Variants in CCDC33 observed in about 807,000 individuals in gnomAD.
The protein encoded by CCDC33 is coiled-coil domain-containing protein 33.
A neutral mutation model predicts 91.9 loss-of-function variants in CCDC33; 94 were observed. The observed-to-expected ratio is 1.02, with a 90% CI of 0.87 to 1.21. CCDC33 has a LOEUF of 1.21. Among genes scored for constraint, CCDC33 ranks in the 50% most tolerant of loss-of-function variants. The probability of loss-of-function intolerance (pLI) is 0.00; values close to 1 mark genes in which losing one functional copy is unlikely to be tolerated. For missense variants in CCDC33, 940 were observed against 935.5 expected (o/e 1.00, Z -0.06); for synonymous variants, 396 against 374.5 (o/e 1.06, Z -0.66).
chr15:74,242,253 G>A (rs888764127), intron 1 of CCDC33, among the ~76,000 whole-genome samples: 2 of 152,160 alleles, frequency 1.3e-5, no homozygotes, highest in Admixed American at 1.3e-4. Context: ...TGGCTTTGGG[G>A]CCCAGCATGG....
chr15:74,321,238 T>C (rs902100711), intron 11 of CCDC33, among the ~76,000 whole-genome samples: 2 of 152,084 alleles, frequency 1.3e-5, no homozygotes, highest in African/African-American at 4.8e-5. Flanking sequence ...TTTATTTTAT[T>C]TTATCTTATT....
intron 2 of CCDC33, 137 bp from the exon 3 acceptor site, chr15:74,262,303 A>T: frequency 8.8e-7 from 1 of 1,141,136 alleles, no homozygotes; most frequent in Non-Finnish European, 1.2e-6. Context: ...GGGATGACAC[A>T]AGTGTCTATG....
chr15:74,246,830 A>T (rs1247555634), intron 2 of CCDC33, among the ~76,000 whole-genome samples: 1 of 152,222 alleles, frequency 6.6e-6, no homozygotes, highest in Non-Finnish European at 1.5e-5. Flanking sequence ...GTATATATCC[A>T]AAGGAAACAA....
intron 11 of CCDC33, among the ~76,000 whole-genome samples, chr15:74,329,449 A>T (rs1437735646): frequency 6.6e-6 from 1 of 152,222 alleles, no homozygotes; most frequent in Admixed American, 6.5e-5. Flanking sequence ...CGGAGATAAT[A>T]GTACCTATCC....
chr15:74,306,764 C>A (rs576512385), intron 11 of CCDC33, among the ~76,000 whole-genome samples: 4 of 152,270 alleles, frequency 2.6e-5, no homozygotes, highest in African/African-American at 9.6e-5. Flanking sequence ...GCCCTAAGTA[C>A]CCAGAAGATC....
At chr15:74,250,675 G>T (rs1045155690) in intron 2 of CCDC33, among the ~76,000 whole-genome samples, 1 of 152,162 alleles carries the variant, frequency 6.6e-6, no homozygotes. Context: ...TAGTTCCGTG[G>T]ACAACCACCA....
At position 74,271,766 on chromosome 15, in the gene CCDC33, C is replaced by T. The variant is rs373542701; in HGVS notation, c.610C>T (p.Arg204Trp). 75 of 1,613,688 alleles carry T rather than the reference C, an allele frequency of 4.6e-5. No homozygotes were observed. The highest frequency in any genetic ancestry group is 1.6e-4 in the Middle Eastern group (1 of 6,080). ...NNPNPIVVIA[R>W]VVPNYKEFKV... is the part of the protein sequence containing the mutation. The stretch of plus-strand genomic sequence containing the variant: ...CCCCAACCCCATAGTGGTGATTGCC[C>T]GGGTCGTTCCCAACTACAAGGAATT... Residue 204 changes from arginine to tryptophan, a missense_variant, in exon 6 of 19, where the codon CGG (arginine) becomes TGG (tryptophan). By Grantham distance (101) the Arg-to-Trp change is moderately radical (BLOSUM62 -3). Coordinates refer to ENST00000398814, the MANE Select transcript of CCDC33 (RefSeq NM_025055.5).
intron 11 of CCDC33, among the ~76,000 whole-genome samples, chr15:74,304,811 C>T (rs1479333214): frequency 1.3e-5 from 2 of 152,176 alleles, no homozygotes; most frequent in Non-Finnish European, 1.5e-5. Context: ...AGAGGGCCCA[C>T]TCACACTCCT....
At chr15:74,223,708 T>C (rs1195138630) in intron 2 of CCDC33, among the ~76,000 whole-genome samples, 1 of 103,486 alleles carries the variant, frequency 9.7e-6, no homozygotes, top group East Asian at 2.3e-4. Context: ...GCTGAGGCTG[T>C]GCCCACCGCC....
chr15:74,291,831 C>T (rs1319794200), intron 10 of CCDC33, among the ~76,000 whole-genome samples: 1 of 152,226 alleles, frequency 6.6e-6, no homozygotes, highest in Non-Finnish European at 1.5e-5. Flanking sequence ...TGCCATTGGC[C>T]TGGTCTGTCT....
At chr15:74,216,237 G>T (rs1453871896), upstream of CCDC33, among the ~76,000 whole-genome samples, 1 of 152,078 alleles carries the variant, frequency 6.6e-6, no homozygotes, top group Non-Finnish European at 1.5e-5. Context: ...AAGGTTTCCA[G>T]GTAGTCTCTG....
intron 5 of CCDC33, among the ~76,000 whole-genome samples, chr15:74,269,566 G>A (rs1595989260): frequency 6.6e-6 from 1 of 152,214 alleles, no homozygotes; most frequent in East Asian, 1.9e-4. Context: ...GAACAAGGAA[G>A]AGGGGCAACA....
chr15:74,263,149 G>A lies in CCDC33; in HGVS notation c.319+576G>A, dbSNP rs182925055. ...CTCCCCAGGTGTCAGCCTGAGCCAC[G>A]AGGTGCCCATGTACACACATGCATG... is the stretch of plus-strand genomic sequence containing the variant. On this transcript the variant is annotated intron_variant, in intron 3 of 18. Coordinates refer to ENST00000398814, the MANE Select transcript of CCDC33 (RefSeq NM_025055.5). Among the ~76,000 whole-genome samples the A allele has an allele frequency of 1.6e-4, 24 of 152,316 alleles. 1 individual carries two copies. Among genetic ancestry groups the A allele is most frequent in the Middle Eastern group, 6.8e-3 (2 of 294 alleles).
At position 74,307,736 on chromosome 15, in the gene CCDC33, C is replaced by CG. The variant is rs1447480007; in HGVS notation, c.1290+11788_1290+11789insG. On this transcript the variant is annotated intron_variant, in intron 11 of 18. Transcript: ENST00000398814. ...GCCTACATACCATATGTCCAAACCC[C>CG]AGTAATCAAAATATAAATCAAGCAG... is the stretch of plus-strand genomic sequence containing the variant. Among the ~76,000 whole-genome samples, 9 of 9,960 alleles carry CG rather than the reference C, an allele frequency of 9.0e-4. No homozygotes were observed. In the East Asian group the frequency reaches 0.5, roughly 553 times the overall value. 6.5% of individuals were successfully genotyped at this position (9,960 alleles called of 152,430 possible).
chr15:74,213,927 C>T (rs1387275212), upstream of CCDC33, among the ~76,000 whole-genome samples: 1 of 152,184 alleles, frequency 6.6e-6, no homozygotes, highest in Non-Finnish European at 1.5e-5. Context: ...TCACTAGCCA[C>T]GTGCTCTCTC....
intron 11 of CCDC33, among the ~76,000 whole-genome samples, chr15:74,324,781 G>A (rs1028427756): frequency 3.4e-5 from 5 of 148,450 alleles, no homozygotes; most frequent in South Asian, 2.2e-4. Flanking sequence ...CCCCTAACAC[G>A]CTCCTCCCCC....
intron 16 of CCDC33, 63 bp downstream of exon 16, chr15:74,332,908 GT>G: frequency 6.4e-7 from 1 of 1,564,242 alleles, no homozygotes; most frequent in Non-Finnish European, 8.7e-7. Context: ...ATCACCCATG[GT>G]ACAACCCAAG....
At chr15:74,246,760 G>A (rs568360554) in intron 2 of CCDC33, among the ~76,000 whole-genome samples, 5 of 152,306 alleles carry the variant, frequency 3.3e-5, no homozygotes, top group South Asian at 2.1e-4. Flanking sequence ...AGCACAGCAC[G>A]GAGGTTCCTC....
At chr15:74,232,284 G>A (rs532215438), upstream of CCDC33, among the ~76,000 whole-genome samples, 39 of 152,280 alleles carry the variant, frequency 2.6e-4, no homozygotes, top group African/African-American at 9.1e-4. Context: ...AAATTCAGGA[G>A]CTTGAGGGGA....
Sources: gnomAD v4.1 joint callset for allele counts (sites outside exome capture counted in the v4.1 genomes callset) on GRCh38, gnomAD v4.1.1 for gene constraint, MANE v1.5 for transcripts, NCBI Gene and HGNC (gene_info 2026-07-23, HGNC 2026-07-21) for gene names.